Variants in PIP5K1B observed in about 807,000 individuals in gnomAD.
PIP5K1B encodes the protein phosphatidylinositol 4-phosphate 5-kinase type-1 beta.
PIP5K1B carries 42 observed loss-of-function variants against 67.0 expected under a neutral mutation model. The observed-to-expected ratio is 0.63, with a 90% CI of 0.49 to 0.81. The LOEUF is 0.81. Among genes scored for constraint, PIP5K1B ranks in the 30% least tolerant of loss-of-function variants. The pLI is 0.00. For missense variants in PIP5K1B, 459 were observed against 646.3 expected, an observed-to-expected ratio of 0.71 and a Z score of 3.14; for synonymous variants, 214 against 231.4, an observed-to-expected ratio of 0.92 and a Z score of 0.68.
intron 2 of PIP5K1B, among the ~76,000 whole-genome samples, chr9:68,745,937 A>G (rs1405241246): frequency 6.6e-6 from 1 of 152,236 alleles, no homozygotes; most frequent in Non-Finnish European, 1.5e-5. Context: ...CCATAAAGGA[A>G]AATTCATGTC....
chr9:68,866,453 CAT>C (rs1374040983), intron 5 of PIP5K1B, among the ~76,000 whole-genome samples: 1 of 151,734 alleles, frequency 6.6e-6, no homozygotes, highest in Non-Finnish European at 1.5e-5. Context: ...TATCTACACA[CAT>C]ATGCAATGGA....
rs945800065 is a variant in PIP5K1B, at chr9:68,920,759, GTCTCTGTC to G, written c.1116+1044_1116+1051del. Among the ~76,000 whole-genome samples, 286 of 140,338 alleles carry G rather than the reference GTCTCTGTC, an allele frequency of 2.0e-3. 2 individuals carry two copies. The highest frequency in any genetic ancestry group is 2.6e-3 in the Non-Finnish European group (173 of 66,160). 92.1% of individuals were successfully genotyped at this position (140,338 alleles called of 152,430 possible). ...TCTCTCTCCTTCTTTCTCCCATTCC[GTCTCTGTC>G]TCTCTGTCTCTCTCTCTCACACACA... On this transcript the variant is annotated intron_variant, in intron 11 of 15. Transcript: ENST00000265382.
chr9:68,753,466 A>G (rs1829742079), intron 2 of PIP5K1B, among the ~76,000 whole-genome samples: 1 of 137,358 alleles, frequency 7.3e-6, no homozygotes, highest in Non-Finnish European at 1.5e-5. Context: ...CAGCCTCCCT[A>G]GTAGCTGGGA....
intron 6 of PIP5K1B, among the ~76,000 whole-genome samples, chr9:68,881,129 G>T (rs958133668): frequency 1.3e-5 from 2 of 152,138 alleles, no homozygotes; most frequent in Non-Finnish European, 2.9e-5. Flanking sequence ...ACCAAACAGT[G>T]GTCTCCCCAT....
chr9:68,732,646 G>C (rs1270823135), intron 1 of PIP5K1B, among the ~76,000 whole-genome samples: 1 of 152,144 alleles, frequency 6.6e-6, no homozygotes, highest in Non-Finnish European at 1.5e-5. Context: ...GAAGCAGGTG[G>C]AACCCAAAAG....
At chr9:68,719,561 G>A (rs934385549) in intron 1 of PIP5K1B, among the ~76,000 whole-genome samples, 3 of 152,182 alleles carry the variant, frequency 2.0e-5, no homozygotes, top group Non-Finnish European at 2.9e-5. Flanking sequence ...GCTGTGGCAA[G>A]CTGTATTTAA....
At chr9:68,742,958 TTTAA>T (rs995745813) in intron 2 of PIP5K1B, among the ~76,000 whole-genome samples, 2 of 152,208 alleles carry the variant, frequency 1.3e-5, no homozygotes, top group Admixed American at 1.3e-4. Flanking sequence ...TAAAAACAGA[TTTAA>T]TTATAGTATT....
chr9:68,961,769 C>T (rs1038848092), intron 14 of PIP5K1B, among the ~76,000 whole-genome samples: 1 of 152,160 alleles, frequency 6.6e-6, no homozygotes, highest in Admixed American at 6.5e-5. Context: ...GTCCCTTATC[C>T]TTGTGCTGTG....
intron 6 of PIP5K1B, among the ~76,000 whole-genome samples, chr9:68,887,065 C>A (rs1014489922): frequency 2.0e-4 from 30 of 152,222 alleles, no homozygotes; most frequent in Admixed American, 2.0e-3. Flanking sequence ...AACCTCTGCT[C>A]CAATGTCACC....
intron 2 of PIP5K1B, among the ~76,000 whole-genome samples, chr9:68,799,652 C>T (rs565015651): frequency 2.2e-4 from 33 of 152,230 alleles, no homozygotes; most frequent in African/African-American, 7.9e-4. Flanking sequence ...AAGATAGTAC[C>T]TTCAACAAAG....
chr9:68,856,997 G>A (rs1822812484), intron 4 of PIP5K1B, among the ~76,000 whole-genome samples: 1 of 152,192 alleles, frequency 6.6e-6, no homozygotes, highest in Non-Finnish European at 1.5e-5. Context: ...CATATAAAGC[G>A]AAGTGAGAAG....
At chr9:68,895,464 T>A (rs1220398571) in intron 8 of PIP5K1B, among the ~76,000 whole-genome samples, 1 of 152,146 alleles carries the variant, frequency 6.6e-6, no homozygotes. Context: ...TGTGGTTTTC[T>A]GCACTTTCCA....
intron 13 of PIP5K1B, chr9:68,936,081 T>C (rs1426369603): frequency 2.6e-5 from 4 of 152,244 alleles, no homozygotes; most frequent in African/African-American, 9.6e-5. Context: ...GATATTGATA[T>C]AGATTTTTTT....
chr9:68,708,793 T>C (rs1260335563), intron 1 of PIP5K1B, among the ~76,000 whole-genome samples: 2 of 152,222 alleles, frequency 1.3e-5, no homozygotes, highest in East Asian at 3.8e-4. Context: ...CTCCTCTTTA[T>C]ATACAGACAA....
At chr9:68,903,535 T>C (rs1825464835) in intron 8 of PIP5K1B, among the ~76,000 whole-genome samples, 1 of 152,212 alleles carries the variant, frequency 6.6e-6, no homozygotes, top group South Asian at 2.1e-4. Flanking sequence ...AGACCATCCA[T>C]ACACCACAAC....
intron 1 of PIP5K1B, among the ~76,000 whole-genome samples, chr9:68,742,066 C>A (rs773157494): frequency 1.3e-5 from 2 of 152,160 alleles, no homozygotes; most frequent in African/African-American, 4.8e-5. Flanking sequence ...TGTTTCCTTG[C>A]ATGTGGTTTC....
chr9:68,721,911 C>A (rs1220387212), intron 1 of PIP5K1B, among the ~76,000 whole-genome samples: 1 of 152,130 alleles, frequency 6.6e-6, no homozygotes, highest in Non-Finnish European at 1.5e-5. Flanking sequence ...CCGTTGTTTT[C>A]TTTTCTCTGT....
In PIP5K1B at chr9:68,979,498, G is replaced by A. The variant is rs565599339; in HGVS notation, c.1503-11642G>A. ...AAAAGGTCCCTGAACTTGGATGAGG[G>A]TTCCTCTTTAAAAAGGAGGAACCCT... On this transcript the variant is annotated intron_variant, in intron 14 of 15. Coordinates refer to ENST00000265382, the MANE Select transcript of PIP5K1B (RefSeq NM_003558.4). Among the ~76,000 whole-genome samples, 18 of 149,746 alleles carry A rather than the reference G, an allele frequency of 1.2e-4. No homozygotes were observed. The South Asian group carries it at 3.5e-3, about 29-fold the overall frequency.
chr9:68,780,075 TGGC>T, intron 2 of PIP5K1B: 1 of 1,428,048 alleles, frequency 7.0e-7, no homozygotes, highest in Non-Finnish European at 9.2e-7. Context: ...AGATTCTCGG[TGGC>T]GGCGGCAGCG....
Sources: allele counts gnomAD v4.1 joint callset (sites outside exome capture counted in the v4.1 genomes callset), GRCh38; gene constraint gnomAD v4.1.1; transcripts MANE v1.5; gene names NCBI Gene and HGNC (gene_info 2026-07-23, HGNC 2026-07-21).